The following UVRAG variants were observed in gnomAD, a reference collection of about 807,000 sequenced individuals.
UVRAG encodes the protein UV radiation resistance-associated gene protein.
UVRAG carries 19 observed loss-of-function variants against 78.0 expected under a neutral mutation model. That is an observed-to-expected ratio of 0.24 (90% confidence interval 0.17 to 0.36). UVRAG has a LOEUF of 0.36. Among genes scored for constraint, UVRAG ranks in the 10% least tolerant of loss-of-function variants. The pLI is 1.00. For missense variants in UVRAG, 740 were observed against 853.8 expected (o/e 0.87, Z 1.66); for synonymous variants, 323 against 324.6 (o/e 1.00, Z 0.05).
At chr11:76,061,422 TC>T (rs1951090796) in intron 12 of UVRAG, among the ~76,000 whole-genome samples, 1 of 152,044 alleles carries the variant, frequency 6.6e-6, no homozygotes, top group Non-Finnish European at 1.5e-5. Flanking sequence ...CCCGCTGGGG[TC>T]CCCTTCCACT....
intron 10 of UVRAG, among the ~76,000 whole-genome samples, chr11:76,008,234 C>T (rs895898750): frequency 1.1e-4 from 16 of 152,112 alleles, no homozygotes; most frequent in African/African-American, 3.6e-4. Flanking sequence ...CTGACATACA[C>T]ATGCAAATAT....
At chr11:75,856,778 CT>C (rs1406523407) in intron 2 of UVRAG, among the ~76,000 whole-genome samples, 2 of 152,162 alleles carry the variant, frequency 1.3e-5, no homozygotes, top group Non-Finnish European at 2.9e-5. Context: ...ACCTGTTGAC[CT>C]TTCCTCTGAA....
chr11:75,934,734 G>T (rs535747192), intron 6 of UVRAG, among the ~76,000 whole-genome samples: 1 of 152,174 alleles, frequency 6.6e-6, no homozygotes, highest in African/African-American at 2.4e-5. Context: ...TACCTAAAAT[G>T]TTCTACATTT....
chr11:75,995,540 T>C (rs1319051184), intron 8 of UVRAG, among the ~76,000 whole-genome samples: 2 of 150,932 alleles, frequency 1.3e-5, no homozygotes, highest in East Asian at 3.9e-4. Flanking sequence ...GACCTACATA[T>C]GTAGTTTGTT....
intron 5 of UVRAG, among the ~76,000 whole-genome samples, chr11:75,909,210 G>A (rs1342998081): frequency 6.6e-6 from 1 of 152,044 alleles, no homozygotes; most frequent in Non-Finnish European, 1.5e-5. Flanking sequence ...AGCTGGGCGT[G>A]GTGGTGCATG....
At chr11:75,905,912 A>G (rs977311264) in intron 5 of UVRAG, among the ~76,000 whole-genome samples, 1 of 152,088 alleles carries the variant, frequency 6.6e-6, no homozygotes, top group African/African-American at 2.4e-5. Flanking sequence ...TGGCTGACCA[A>G]TACATTCCTA....
intron 6 of UVRAG, among the ~76,000 whole-genome samples, chr11:75,956,491 T>TGGA (rs1006225193): frequency 9.9e-5 from 15 of 151,818 alleles, no homozygotes; most frequent in Non-Finnish European, 1.9e-4. Flanking sequence ...GTTCAAGCGA[T>TGGA]TCCCTTGCCT....
intron 6 of UVRAG, among the ~76,000 whole-genome samples, chr11:75,925,967 G>A (rs570341618): frequency 6.6e-6 from 1 of 152,182 alleles, no homozygotes; most frequent in Admixed American, 6.5e-5. Flanking sequence ...CATCTCATGT[G>A]GAGGAATTCC....
intron 13 of UVRAG, among the ~76,000 whole-genome samples, chr11:76,090,126 A>C (rs903772678): frequency 1.3e-5 from 2 of 152,268 alleles, no homozygotes; most frequent in South Asian, 2.1e-4. Context: ...TTATGTTTCA[A>C]ATGCAGCAAC....
chr11:76,130,059 C>A (rs1952485027), intron 14 of UVRAG, among the ~76,000 whole-genome samples: 1 of 152,142 alleles, frequency 6.6e-6, no homozygotes, highest in South Asian at 2.1e-4. Context: ...TAGAACTCTT[C>A]ACTCATTGAC....
intron 14 of UVRAG, among the ~76,000 whole-genome samples, chr11:76,125,551 G>A (rs908960055): frequency 1.3e-5 from 2 of 152,156 alleles, no homozygotes; most frequent in African/African-American, 4.8e-5. Context: ...CTCCAGTCAG[G>A]ATGGAGAACA....
chr11:76,126,728 AAAC>A (rs137918797), intron 14 of UVRAG, among the ~76,000 whole-genome samples: 2,212 of 152,312 alleles, frequency 0.015, 47 homozygotes, highest in African/African-American at 0.05. Context: ...TTTATACATA[AAAC>A]AAGTATATTC....
intron 13 of UVRAG, among the ~76,000 whole-genome samples, chr11:76,100,544 T>G (rs1315500871): frequency 6.6e-6 from 1 of 152,166 alleles, no homozygotes; most frequent in Non-Finnish European, 1.5e-5. Flanking sequence ...ATATAATCTT[T>G]TTCACTTGAA....
Position 75,815,235 on chromosome 11 carries a change from C to A in UVRAG, c.-173C>A. The A allele has an allele frequency of 2.2e-6, 1 of 446,454 alleles. No individual in the cohort carries two copies. Among genetic ancestry groups the A allele is most frequent in the Non-Finnish European group, 3.9e-6 (1 of 256,464 alleles). The allele number at this position is 446,454 out of a possible 1,614,324, so 27.7% of individuals were successfully genotyped here. ...GGTAATATGGCTCTTCCTTAGCCAG[C>A]GGCGGCAACGGCGGCAGCGGCGGCA... On this transcript the variant is annotated 5_prime_UTR_variant, in exon 1 of 15. Coordinates refer to ENST00000356136, the MANE Select transcript of UVRAG (RefSeq NM_003369.4).
intron 14 of UVRAG, among the ~76,000 whole-genome samples, chr11:76,132,471 A>G (rs1354179027): frequency 1.3e-5 from 2 of 151,868 alleles, no homozygotes; most frequent in Non-Finnish European, 2.9e-5. Flanking sequence ...TGTGAATTGT[A>G]CTCTGTCCTC....
chr11:75,954,094 A>G (rs961013071), intron 6 of UVRAG, among the ~76,000 whole-genome samples: 5 of 152,150 alleles, frequency 3.3e-5, no homozygotes, highest in Admixed American at 2.6e-4. Flanking sequence ...TTCAAAGTCT[A>G]AATACTTCAA....
intron 1 of UVRAG, among the ~76,000 whole-genome samples, chr11:75,833,881 G>T (rs1945718400): frequency 6.6e-6 from 1 of 152,226 alleles, no homozygotes; most frequent in Non-Finnish European, 1.5e-5. Flanking sequence ...TCCACCCTGG[G>T]TGGGCCAGGT....
At chr11:76,065,566 G>A in intron 12 of UVRAG, 144 bp from the exon 13 acceptor site, 1 of 618,600 alleles carries the variant, frequency 1.6e-6, no homozygotes, top group Non-Finnish European at 2.8e-6. Context: ...GAAGATGTCA[G>A]TAGATTGCAA....
At chr11:75,872,027 T>TA (rs908689463) in intron 3 of UVRAG, among the ~76,000 whole-genome samples, 10 of 152,318 alleles carry the variant, frequency 6.6e-5, no homozygotes, top group Non-Finnish European at 1.5e-4. Flanking sequence ...GGAGTCTTTT[T>TA]AAAAAAATTG....
Sources: allele counts gnomAD v4.1 joint callset (sites outside exome capture counted in the v4.1 genomes callset), GRCh38; gene constraint gnomAD v4.1.1; transcripts MANE v1.5; gene names NCBI Gene and HGNC (gene_info 2026-07-23, HGNC 2026-07-21).